The following PDE7B variants were observed in gnomAD, a reference collection of about 807,000 sequenced individuals.
The protein encoded by PDE7B is 3',5'-cyclic-AMP phosphodiesterase 7B.
Under a neutral mutation model 56.2 loss-of-function variants are expected in PDE7B, and 29 were observed. The ratio of observed to expected loss-of-function variants is 0.52; its 90% CI spans 0.38 to 0.70. PDE7B has a LOEUF of 0.70. Ranked by LOEUF, PDE7B falls within the 30% of genes least tolerant of loss-of-function variation. PDE7B has a pLI of 0.00. For missense variants in PDE7B, 490 were observed against 565.0 expected, an observed-to-expected ratio of 0.87 and a Z score of 1.35; for synonymous variants, 197 against 196.9, an observed-to-expected ratio of 1.00 and a Z score of 0.00.
At chr6:135,925,111 T>C (rs951052027) in intron 1 of PDE7B, among the ~76,000 whole-genome samples, 1 of 151,802 alleles carries the variant, frequency 6.6e-6, no homozygotes. Flanking sequence ...ATTATTCAAT[T>C]AAACTGAAAC....
intron 2 of PDE7B, among the ~76,000 whole-genome samples, chr6:136,009,635 G>T (rs530205883): frequency 2.0e-5 from 3 of 152,144 alleles, no homozygotes; most frequent in Admixed American, 1.3e-4. Flanking sequence ...GGCTCCGTTT[G>T]TCTGTTATTG....
intron 1 of PDE7B, among the ~76,000 whole-genome samples, chr6:135,896,645 A>C (rs536179561): frequency 6.6e-6 from 1 of 152,166 alleles, no homozygotes; most frequent in African/African-American, 2.4e-5. Flanking sequence ...CAGATGAAAA[A>C]AAGGAGACGC....
At chr6:136,102,439 C>G (rs1015765264) in intron 2 of PDE7B, among the ~76,000 whole-genome samples, 1 of 152,194 alleles carries the variant, frequency 6.6e-6, no homozygotes, top group Non-Finnish European at 1.5e-5. Context: ...GGTGGAAATT[C>G]TGGAGATTAA....
chr6:136,094,570 C>G (rs1482094389), intron 2 of PDE7B: 2 of 152,368 alleles, frequency 1.3e-5, no homozygotes, highest in Non-Finnish European at 2.9e-5. Flanking sequence ...AGACCTACCC[C>G]ACCCCTGCAC....
At chr6:135,951,304 T>C (rs1199948072) in intron 2 of PDE7B, among the ~76,000 whole-genome samples, 2 of 152,288 alleles carry the variant, frequency 1.3e-5, no homozygotes, top group East Asian at 1.9e-4. Context: ...GATATACAAC[T>C]GTATAGCAAC....
At chr6:135,980,169 T>C (rs549603711) in intron 2 of PDE7B, among the ~76,000 whole-genome samples, 47 of 152,176 alleles carry the variant, frequency 3.1e-4, no homozygotes, top group African/African-American at 9.4e-4. Flanking sequence ...TTGACAAACC[T>C]GAGAAAAACA....
chr6:135,962,201 A>G (rs1319238894), intron 2 of PDE7B, among the ~76,000 whole-genome samples: 3 of 152,212 alleles, frequency 2.0e-5, no homozygotes, highest in Admixed American at 2.0e-4. Context: ...GGAAAAATCG[A>G]TAGTTTAGTC....
At chr6:136,028,911 C>T (rs1776193550) in intron 2 of PDE7B, among the ~76,000 whole-genome samples, 1 of 152,182 alleles carries the variant, frequency 6.6e-6, no homozygotes, top group Non-Finnish European at 1.5e-5. Flanking sequence ...ATTCTGCCTA[C>T]TATACATAAT....
At chr6:136,105,154 T>G (rs1777627479) in intron 2 of PDE7B, among the ~76,000 whole-genome samples, 1 of 152,238 alleles carries the variant, frequency 6.6e-6, no homozygotes, top group African/African-American at 2.4e-5. Flanking sequence ...GTTGTCTTGC[T>G]TGTACAGCCC....
At chr6:135,875,141 CAA>C (rs1775467935) in intron 1 of PDE7B, among the ~76,000 whole-genome samples, 1 of 151,912 alleles carries the variant, frequency 6.6e-6, no homozygotes, top group Non-Finnish European at 1.5e-5. Context: ...CTTTTTAAAA[CAA>C]TATATAACTG....
At chr6:136,019,981 A>G (rs942294252) in intron 2 of PDE7B, among the ~76,000 whole-genome samples, 2 of 152,108 alleles carry the variant, frequency 1.3e-5, no homozygotes, top group African/African-American at 4.8e-5. Flanking sequence ...TTATAAGTGG[A>G]CCTATGCAGT....
intron 2 of PDE7B, among the ~76,000 whole-genome samples, chr6:135,967,140 C>T (rs1406399009): frequency 6.6e-6 from 1 of 151,990 alleles, no homozygotes; most frequent in African/African-American, 2.4e-5. Context: ...ATTGATAGGC[C>T]CAGAAAAGTC....
chr6:136,113,698 T>C (rs1352924406), intron 3 of PDE7B, among the ~76,000 whole-genome samples: 1 of 152,222 alleles, frequency 6.6e-6, no homozygotes, highest in Non-Finnish European at 1.5e-5. Flanking sequence ...TTATTTCATT[T>C]ACTAATTCTG....
chr6:136,067,900 G>A (rs193009468), intron 2 of PDE7B, among the ~76,000 whole-genome samples: 1 of 152,318 alleles, frequency 6.6e-6, no homozygotes, highest in East Asian at 1.9e-4. Flanking sequence ...AGAAGGTCAG[G>A]AAGAGGAAAA....
chr6:135,961,283 G>GTGTGTA (rs1554269796), intron 2 of PDE7B, among the ~76,000 whole-genome samples: 26 of 104,340 alleles, frequency 2.5e-4, no homozygotes, highest in African/African-American at 9.8e-4. Context: ...GTGTGTGTAT[G>GTGTGTA]TGTGTGTGTG....
intron 5 of PDE7B, among the ~76,000 whole-genome samples, chr6:136,149,524 G>A (rs781379868): frequency 3.9e-5 from 6 of 152,250 alleles, no homozygotes; most frequent in South Asian, 2.1e-4. Flanking sequence ...TACAGGGCAG[G>A]GTGCTTATGC....
At chr6:135,879,175 C>G (rs1412714174) in intron 1 of PDE7B, among the ~76,000 whole-genome samples, 1 of 151,926 alleles carries the variant, frequency 6.6e-6, no homozygotes, top group Non-Finnish European at 1.5e-5. Context: ...TTGGATATAC[C>G]ATGGCATGAG....
intron 8 of PDE7B, among the ~76,000 whole-genome samples, chr6:136,171,076 T>C (rs1362104865): frequency 6.6e-6 from 1 of 152,222 alleles, no homozygotes; most frequent in African/African-American, 2.4e-5. Flanking sequence ...AGTTCTATTC[T>C]GTATCTATGA....
At chr6:135,964,457 T>C (rs1774959421) in intron 2 of PDE7B, among the ~76,000 whole-genome samples, 1 of 152,152 alleles carries the variant, frequency 6.6e-6, no homozygotes, top group Non-Finnish European at 1.5e-5. Context: ...AATCAGTGGC[T>C]TCCCAAAAGT....
Sources: allele counts gnomAD v4.1 joint callset (sites outside exome capture counted in the v4.1 genomes callset), GRCh38; gene constraint gnomAD v4.1.1; transcripts MANE v1.5; gene names NCBI Gene and HGNC (gene_info 2026-07-23, HGNC 2026-07-21).